ZCCHC4: variants seen among roughly 807,000 people sequenced by gnomAD.
ZCCHC4 encodes zinc finger CCHC-type containing 4.
ZCCHC4 carries 54 observed loss-of-function variants against 67.7 expected under a neutral mutation model. The observed-to-expected ratio is 0.80, with a 90% CI of 0.64 to 1.00. The LOEUF (loss-of-function observed/expected upper bound fraction) is 1.00. Among genes scored for constraint, ZCCHC4 ranks in the 50% least tolerant of loss-of-function variants. The pLI, the probability that ZCCHC4 is intolerant of heterozygous loss-of-function variation, is 0.00. For missense variants in ZCCHC4, 609 were observed against 617.0 expected (o/e 0.99, Z 0.14); for synonymous variants, 198 against 213.5 (o/e 0.93, Z 0.63).
chr4:25,364,641 T>A, intron 11 of ZCCHC4, 136 bp downstream of exon 11: 1 of 807,776 alleles, frequency 1.2e-6, no homozygotes, highest in Non-Finnish European at 1.9e-6. Context: ...GCTTTTTAAT[T>A]TTATAGTTAT....
At position 25,362,033 on chromosome 4, in the gene ZCCHC4, A is replaced by G. The variant is rs1311090023; in HGVS notation, c.1133+53A>G. 3 of 1,576,808 alleles carry G rather than the reference A, an allele frequency of 1.9e-6. No homozygotes were observed. The East Asian group carries it at 6.8e-5, about 36-fold the overall frequency. On this transcript the variant is annotated intron_variant, in intron 9 of 12. Transcript: ENST00000302874. ...CACAAGTCACTGAAAATAAAGTTAC[A>G]TATATCCATCAGTCAAATGCTTTCA... is the stretch of plus-strand genomic sequence containing the variant.
intron 8 of ZCCHC4, among the ~76,000 whole-genome samples, chr4:25,354,487 A>C (rs767523893): frequency 2.6e-5 from 4 of 152,214 alleles, no homozygotes; most frequent in African/African-American, 4.8e-5. Context: ...GAAGAACAGT[A>C]CTGTCCATTA....
intron 3 of ZCCHC4, among the ~76,000 whole-genome samples, chr4:25,330,668 G>T (rs912563320): frequency 3.3e-5 from 5 of 152,134 alleles, no homozygotes; most frequent in Non-Finnish European, 4.4e-5. Flanking sequence ...AAGCTTTTTA[G>T]GCAGGACTGA....
chr4:25,312,852 G>C lies in ZCCHC4; in HGVS notation c.43G>C (p.Gly15Arg), dbSNP rs1402067952. The change falls in exon 1 of 13, where the codon GGC (glycine) becomes CGC (arginine). Residue 15 changes from glycine to arginine, a missense_variant. Coordinates refer to ENST00000302874, the MANE Select transcript of ZCCHC4 (RefSeq NM_024936.3). ...TGGGTTTGAAGCCGTGGAGGCAGAG[G>C]GCAGCGCAGGGTGCCGGGGAAGCTC... ...RNGFEAVEAE[G>R]SAGCRGSSGM... 1.2e-6 allele frequency: 2 copies of C among 1,613,140 alleles called. No homozygotes were observed.
intron 9 of ZCCHC4, 119 bp downstream of exon 9, chr4:25,362,099 T>A: frequency 6.9e-7 from 1 of 1,446,430 alleles, no homozygotes; most frequent in Non-Finnish European, 9.3e-7. Context: ...TTAAATTAGG[T>A]CCATAATTTC....
chr4:25,313,267 C>T (rs967091616), intron 1 of ZCCHC4, among the ~76,000 whole-genome samples: 1 of 152,134 alleles, frequency 6.6e-6, no homozygotes, highest in African/African-American at 2.4e-5. Context: ...GCTCTCCCTT[C>T]AAAAATAAAA....
At chr4:25,360,780 G>A (rs952870342) in intron 8 of ZCCHC4, among the ~76,000 whole-genome samples, 17 of 152,170 alleles carry the variant, frequency 1.1e-4, no homozygotes, top group Non-Finnish European at 2.4e-4. Flanking sequence ...TTAAGAAAGG[G>A]CATCCCCACA....
chr4:25,330,142 C>CTGT, intron 3 of ZCCHC4, among the ~76,000 whole-genome samples: 1 of 152,022 alleles, frequency 6.6e-6, no homozygotes, highest in South Asian at 2.1e-4. Flanking sequence ...AGGTGTGCTC[C>CTGT]ACCACGCCTG....
At chr4:25,316,187 G>A (rs553022756) in intron 3 of ZCCHC4, among the ~76,000 whole-genome samples, 6 of 152,258 alleles carry the variant, frequency 3.9e-5, no homozygotes, top group South Asian at 4.1e-4. Flanking sequence ...AATAATATCC[G>A]TTGTCTGTCT....
At chr4:25,324,014 G>GTTTTTTTTTTTTCTTTTTTT (rs1553895904) in intron 3 of ZCCHC4, among the ~76,000 whole-genome samples, 1 of 82,448 alleles carries the variant, frequency 1.2e-5, no homozygotes, top group African/African-American at 5.2e-5. Context: ...TGTTTTTTGT[G>GTTTTTTTTTTTTCTTTTTTT]TTTTTTTTTT....
At chr4:25,338,711 GT>G (rs1719589277) in intron 5 of ZCCHC4, among the ~76,000 whole-genome samples, 1 of 152,210 alleles carries the variant, frequency 6.6e-6, no homozygotes, top group Non-Finnish European at 1.5e-5. Context: ...GTTCACCCAT[GT>G]GGTAGCATGT....
In ZCCHC4 at chr4:25,351,449, T is replaced by C. The variant is rs10001598; in HGVS notation, c.911-140T>C. 2.0e-4 allele frequency: 123 copies of C among 608,730 alleles called. No homozygotes were observed. The African/African-American group carries it at 2.0e-3, about 10-fold the overall frequency. The allele number at this position is 608,730 out of a possible 1,614,324, so 37.7% of individuals were successfully genotyped here. ...AATAGACAGGTTTGAAATGGCACTC[T>C]GGTAAATATTTTCTGTTTTTGTATG... is the stretch of plus-strand genomic sequence containing the variant. On this transcript the variant is annotated intron_variant, in intron 7 of 12. Transcript: ENST00000302874.
At chr4:25,368,365 G>A (rs1223428188) in intron 12 of ZCCHC4, among the ~76,000 whole-genome samples, 1 of 152,188 alleles carries the variant, frequency 6.6e-6, no homozygotes, top group African/African-American at 2.4e-5. Context: ...CAGGTCGCCT[G>A]TAACTTAGTG....
In ZCCHC4 at chr4:25,370,294, C is replaced by T. The variant is rs1295086034; in HGVS notation, c.*1130C>T. Reference sequence around the variant, plus strand: ...CTTGGCCAGGTCACTCTCTAAAAGCCCCGGTTTCTTCATTATTATCATTAT... The same window carrying T: ...CTTGGCCAGGTCACTCTCTAAAAGCTCCGGTTTCTTCATTATTATCATTAT... On this transcript the variant is annotated 3_prime_UTR_variant, in exon 13 of 13. Coordinates refer to ENST00000302874, the MANE Select transcript of ZCCHC4 (RefSeq NM_024936.3). The T allele has an allele frequency of 2.6e-5, 4 of 151,874 alleles. No homozygotes were observed. The highest frequency in any genetic ancestry group is 5.9e-5 in the Non-Finnish European group (4 of 67,968). The allele number at this position is 151,874 out of a possible 1,614,324, so 9.4% of individuals were successfully genotyped here. A position where few individuals can be genotyped will look rare whatever the true frequency, so the allele number is the denominator to read the frequency against.
At chr4:25,328,836 G>A (rs1719028141) in intron 3 of ZCCHC4, among the ~76,000 whole-genome samples, 1 of 152,090 alleles carries the variant, frequency 6.6e-6, no homozygotes, top group South Asian at 2.1e-4. Context: ...TCTCACCTTG[G>A]CCTCCCAAAG....
intron 3 of ZCCHC4, among the ~76,000 whole-genome samples, chr4:25,330,060 C>T (rs1259751773): frequency 6.6e-6 from 1 of 152,040 alleles, no homozygotes; most frequent in African/African-American, 2.4e-5. Flanking sequence ...GGTGTGATCT[C>T]AGCTTACAGT....
At chr4:25,323,408 T>G (rs1020631770) in intron 3 of ZCCHC4, among the ~76,000 whole-genome samples, 18 of 40,574 alleles carry the variant, frequency 4.4e-4, no homozygotes, top group Non-Finnish European at 1.6e-3. Context: ...TTCTGTTGTG[T>G]TTTTTTTTCA....
At chr4:25,313,165 G>C (rs577588577) in intron 1 of ZCCHC4, among the ~76,000 whole-genome samples, 26 of 152,194 alleles carry the variant, frequency 1.7e-4, no homozygotes, top group African/African-American at 5.8e-4. Flanking sequence ...ATCTCTTTTG[G>C]GGGGAAGGGG....
At chr4:25,314,015 CT>C (rs61227153) in intron 1 of ZCCHC4, 30 bp from the exon 2 acceptor site, 19,544 of 1,011,958 alleles carry the variant, frequency 0.019, 54 homozygotes, top group African/African-American at 0.054. Context: ...TTACTTGACA[CT>C]TTTTTTTTTT....
Sources: gnomAD v4.1 joint callset for allele counts (sites outside exome capture counted in the v4.1 genomes callset) on GRCh38, gnomAD v4.1.1 for gene constraint, MANE v1.5 for transcripts, NCBI Gene and HGNC (gene_info 2026-07-23, HGNC 2026-07-21) for gene names.